HMCN2: variants seen among roughly 807,000 people sequenced by gnomAD.
The protein encoded by HMCN2 is hemicentin-2.
HMCN2 carries 325 observed loss-of-function variants against 377.5 expected under a neutral mutation model. The ratio of observed to expected loss-of-function variants is 0.86; its 90% CI spans 0.79 to 0.94. The LOEUF is 0.94. Among genes scored for constraint, HMCN2 ranks in the 40% least tolerant of loss-of-function variants. HMCN2 has a pLI of 0.00. For missense variants in HMCN2, 4,543 were observed against 4,725.3 expected, an observed-to-expected ratio of 0.96 and a Z score of 1.13; for synonymous variants, 2,007 against 2,046.8, an observed-to-expected ratio of 0.98 and a Z score of 0.53.
chr9:130,376,871 A>G (rs181429477), intron 52 of HMCN2, among the ~76,000 whole-genome samples: 1 of 152,068 alleles, frequency 6.6e-6, no homozygotes, highest in South Asian at 2.1e-4. Context: ...ATCTTGGCTC[A>G]CTGCAACCTC....
In HMCN2 at chr9:130,340,305, C is replaced by T. The variant is rs947347896; in HGVS notation, c.3488-806C>T. On this transcript the variant is annotated intron_variant, in intron 23 of 97. Transcript: ENST00000683500. ...GGCTCTATGCTGGCTGCTTTAGTGC[C>T]GCACCTCATTTCATCCCGCAGGGCG... 4.6e-5 allele frequency among the ~76,000 whole-genome samples: 7 copies of T among 152,336 alleles called. No individual in the cohort carries two copies. The East Asian group carries it at 5.8e-4, about 13-fold the overall frequency.
At position 130,393,949 on chromosome 9, in the gene HMCN2, C is replaced by A. The variant is rs146202281; in HGVS notation, c.10442C>A (p.Ser3481Tyr). ...GGAGCTGGTGACTCGGGGACCTACT[C>A]CTGTGTGGCCGTGAGCGAGGCGGGG... Reference protein sequence around the residue: ...AVGAGDSGTYSCVAVSEAGEA... With the variant: ...AVGAGDSGTYYCVAVSEAGEA... The change falls in exon 68 of 98, where the codon TCC (serine) becomes TAC (tyrosine). Residue 3481 changes from serine (S) to tyrosine (Y), a missense_variant. This residue lies in a region of HMCN2 where 1,073 missense variants were observed against 1,319.5 expected (regional missense o/e 0.81). Coordinates refer to ENST00000683500, the MANE Select transcript of HMCN2 (RefSeq NM_001291815.2). This position sits in a 1 kb window ranked among gnomAD's most constrained non-coding sequence, Gnocchi z 5.2. 23 of 1,287,984 alleles carry A rather than the reference C, an allele frequency of 1.8e-5. No homozygotes were observed. In the African/African-American group the frequency reaches 1.8e-4, roughly 10 times the overall value. The allele number at this position is 1,287,984 out of a possible 1,614,324, so 79.8% of individuals were successfully genotyped here.
In HMCN2 at chr9:130,349,124, T is replaced by C. The variant is rs1839555248; in HGVS notation, c.4296T>C (p.Leu1432=). 3.1e-6 allele frequency: 4 copies of C among 1,303,982 alleles called. No individual in the cohort carries two copies. The highest frequency in any genetic ancestry group is 4.0e-6 in the Non-Finnish European group (4 of 988,850). 80.8% of individuals were successfully genotyped at this position (1,303,982 alleles called of 1,614,324 possible). A position where few individuals can be genotyped will look rare whatever the true frequency, so the allele number is the denominator to read the frequency against. ...CCGCCCAGAGGGACTTCCATCTCCT[T>C]GTGCTCAGTGAGTGAGACCTGAGCC... is the stretch of plus-strand genomic sequence containing the variant. ...AGTAQRDFHL[L]VLTPPSVLGA... Residue 1432 remains leucine (L), a synonymous_variant, in exon 28 of 98, where the codon CTT becomes CTC. Coordinates refer to ENST00000683500, the MANE Select transcript of HMCN2 (RefSeq NM_001291815.2).
rs1844451622 is a variant in HMCN2, at chr9:130,427,537, T to A, written c.13983T>A (p.His4661Gln). 1 of 1,550,498 alleles carries A rather than the reference T, an allele frequency of 6.4e-7. No individual in the cohort carries two copies. Among genetic ancestry groups the A allele is most frequent in the East Asian group, 2.4e-5 (1 of 40,910 alleles). Residue 4661 changes from histidine to glutamine, a missense_variant, in exon 92 of 98, where the codon CAT (histidine) becomes CAA (glutamine). Physicochemically the swap from His to Gln is conservative, Grantham distance 24. This residue lies in a region of HMCN2 where 1,155 missense variants were observed against 1,157.7 expected (regional missense o/e 1.00). Coordinates refer to ENST00000683500, the MANE Select transcript of HMCN2 (RefSeq NM_001291815.2). ...CAGGAGGCCCTAGCCCCTGCTCCCATGCCTGCCTTAATGCACCCGGCCGCT... is the reference window on the plus strand; with the variant it reads ...CAGGAGGCCCTAGCCCCTGCTCCCAAGCCTGCCTTAATGCACCCGGCCGCT... ...ECSGGPSPCS[H>Q]ACLNAPGRFS...
chr9:130,306,346 G>A (rs1422315666), intron 12 of HMCN2, 76 bp downstream of exon 12: 1 of 445,998 alleles, frequency 2.2e-6, no homozygotes, highest in African/African-American at 2.0e-5. Flanking sequence ...TCTGGGCCTT[G>A]GCCTTCCTAT....
intron 22 of HMCN2, among the ~76,000 whole-genome samples, chr9:130,334,211 T>G (rs1045887573): frequency 0.02 from 2,993 of 152,206 alleles, 102 homozygotes; most frequent in African/African-American, 0.069. Context: ...GGTGGTCCAG[T>G]GCCCCCATGC....
chr9:130,316,876 C>T (rs890380674), intron 15 of HMCN2, among the ~76,000 whole-genome samples: 9 of 152,268 alleles, frequency 5.9e-5, no homozygotes, highest in South Asian at 2.1e-4. Flanking sequence ...CTCAGCAGGA[C>T]GTGGGGCCTC....
intron 25 of HMCN2, among the ~76,000 whole-genome samples, chr9:130,344,858 A>ATGT (rs1413611897): frequency 9.1e-5 from 10 of 109,776 alleles, no homozygotes; most frequent in Non-Finnish European, 1.5e-4. Flanking sequence ...TTTGGTATAT[A>ATGT]TGTTGTGTGT....
rs942975948 is a variant in HMCN2, at chr9:130,358,485, G to A, written c.5676G>A (p.Leu1892=). ...ESKREVALKV[L]VPPNIEPGPV... is the part of the protein sequence containing the mutation. The stretch of plus-strand genomic sequence containing the variant: ...AGAGGGAAGTGGCGCTGAAAGTTTT[G>A]GGTGAGGACGTGGGTAACCAGCAGG... Residue 1892 remains leucine (L), a splice_region_variant and synonymous_variant, in exon 36 of 98, where the codon TTG becomes TTA. Transcript: ENST00000683500. 1 of 1,304,394 alleles carries A rather than the reference G, an allele frequency of 7.7e-7. No homozygotes were observed. The allele number at this position is 1,304,394 out of a possible 1,614,324, so 80.8% of individuals were successfully genotyped here. A position where few individuals can be genotyped will look rare whatever the true frequency, so the allele number is the denominator to read the frequency against.
In HMCN2 at chr9:130,303,520, G is replaced by A. The variant is rs555609624; in HGVS notation, c.1455G>A (p.Arg485=). 1.1e-4 allele frequency: 47 copies of A among 444,532 alleles called. 1 individual carries two copies. The highest frequency in any genetic ancestry group is 7.5e-4 in the South Asian group (46 of 61,272). The allele number at this position is 444,532 out of a possible 1,614,324, so 27.5% of individuals were successfully genotyped here. A position where few individuals can be genotyped will look rare whatever the true frequency, so the allele number is the denominator to read the frequency against. The stretch of plus-strand genomic sequence containing the variant: ...GAAACAGCAGCTGGGAGATCCTGCG[G>A]GCCTCCAAGGCCGAGGAGGGCACGT... ...ESGNSSWEIL[R]ASKAEEGTYE... is the part of the protein sequence containing the mutation. The change falls in exon 10 of 98, where the codon CGG becomes CGA. Residue 485 remains arginine (R), a synonymous_variant. Transcript: ENST00000683500. The surrounding 1 kb of genome is among the most constrained non-coding windows in gnomAD (Gnocchi z 5.2).
At chr9:130,432,325 C>A in intron 96 of HMCN2, 104 bp from the exon 97 acceptor site, 1 of 1,043,462 alleles carries the variant, frequency 9.6e-7, no homozygotes, top group Non-Finnish European at 1.4e-6. Context: ...AAGGGCTGCC[C>A]ACCTCACTGG....
chr9:130,362,529 T>G (rs1333648325), intron 39 of HMCN2, among the ~76,000 whole-genome samples: 1 of 152,256 alleles, frequency 6.6e-6, no homozygotes, highest in Non-Finnish European at 1.5e-5. Context: ...ATATTCTTCT[T>G]TTCATATTAA....
rs1841355854 is a variant in HMCN2 at position 130,375,987 on chromosome 9, T to C, written c.7916T>C (p.Leu2639Pro). The stretch of plus-strand genomic sequence containing the variant: ...GTGAAAAACTACCATGTGGAAGTGC[T>C]CAGTGAGTCGGGGACCCTGGGGCAC... ...EAVKNYHVEV[L>P]IPPSISKDDP... is the part of the protein sequence containing the mutation. The change falls in exon 51 of 98, where the codon CTC becomes CCC. Residue 2639 changes from leucine (L) to proline (P), a missense_variant and splice_region_variant. Coordinates refer to ENST00000683500, the MANE Select transcript of HMCN2 (RefSeq NM_001291815.2). 2.0e-6 allele frequency: 2 copies of C among 985,180 alleles called. No individual in the cohort carries two copies. Among genetic ancestry groups the C allele is most frequent in the African/African-American group, 3.5e-5 (2 of 57,228 alleles). The allele number at this position is 985,180 out of a possible 1,614,324, so 61.0% of individuals were successfully genotyped here. A position where few individuals can be genotyped will look rare whatever the true frequency, so the allele number is the denominator to read the frequency against.
At chr9:130,425,152 T>G in intron 89 of HMCN2, 22 bp downstream of exon 89, 1 of 1,530,328 alleles carries the variant, frequency 6.5e-7, no homozygotes. Context: ...AGCCCTGGGG[T>G]GTGCAGACAG....
chr9:130,309,970 G>A lies in HMCN2; in HGVS notation c.2259G>A (p.Pro753=), dbSNP rs200704149. Residue 753 remains proline (P), a synonymous_variant, in exon 15 of 98, where the codon CCG becomes CCA. Coordinates refer to ENST00000683500, the MANE Select transcript of HMCN2 (RefSeq NM_001291815.2). ...EGSSSGKLRI[P]AAQERDAGTY... The stretch of plus-strand genomic sequence containing the variant: ...CCAGCTCTGGGAAGCTGCGGATCCC[G>A]GCGGCTCAGGAGAGGGATGCTGGCA... 8.3e-5 allele frequency: 44 copies of A among 530,846 alleles called. No homozygotes were observed. Among genetic ancestry groups the A allele is most frequent in the Middle Eastern group, 3.2e-4 (1 of 3,148 alleles). The allele number at this position is 530,846 out of a possible 1,614,324, so 32.9% of individuals were successfully genotyped here. A position where few individuals can be genotyped will look rare whatever the true frequency, so the allele number is the denominator to read the frequency against.
intron 15 of HMCN2, among the ~76,000 whole-genome samples, chr9:130,318,590 A>G (rs1305317808): frequency 6.6e-6 from 1 of 152,182 alleles, no homozygotes; most frequent in Non-Finnish European, 1.5e-5. Context: ...AGCTATTAAC[A>G]GTGGTTACCT....
rs978040970 is a variant in HMCN2, at chr9:130,432,752, A to G, written c.14894+197A>G. 3 of 610,250 alleles carry G rather than the reference A, an allele frequency of 4.9e-6. No homozygotes were observed. The South Asian group carries it at 5.9e-5, about 12-fold the overall frequency. The allele number at this position is 610,250 out of a possible 1,614,324, so 37.8% of individuals were successfully genotyped here. A position where few individuals can be genotyped will look rare whatever the true frequency, so the allele number is the denominator to read the frequency against. ...AGCACACACACCAAACCCCAGACACAGGACCACCATGCAGACTCACACAAC... is the reference window on the plus strand; with the variant it reads ...AGCACACACACCAAACCCCAGACACGGGACCACCATGCAGACTCACACAAC... On this transcript the variant is annotated intron_variant, in intron 97 of 97. Coordinates refer to ENST00000683500, the MANE Select transcript of HMCN2 (RefSeq NM_001291815.2).
chr9:130,330,836 A>C (rs1838386078), intron 22 of HMCN2, among the ~76,000 whole-genome samples: 1 of 151,956 alleles, frequency 6.6e-6, no homozygotes, highest in Non-Finnish European at 1.5e-5. Flanking sequence ...TTTCCTTTTG[A>C]AGGGCAAAAT....
intron 25 of HMCN2, among the ~76,000 whole-genome samples, chr9:130,345,238 T>C (rs932649409): frequency 6.7e-6 from 1 of 150,066 alleles, no homozygotes; most frequent in Non-Finnish European, 1.5e-5. Flanking sequence ...GTAGTGTGTA[T>C]GTTGTGTGTG....
Sources: allele counts gnomAD v4.1 joint callset (sites outside exome capture counted in the v4.1 genomes callset), GRCh38; gene constraint gnomAD v4.1.1; regional missense constraint gnomAD v4.1.1; non-coding constraint Gnocchi (gnomAD v3.1); transcripts MANE v1.5; gene names NCBI Gene and HGNC (gene_info 2026-07-23, HGNC 2026-07-21).